CCNH: variants seen among roughly 807,000 people sequenced by gnomAD.
CCNH encodes cyclin H.
Under a neutral mutation model 41.9 loss-of-function variants are expected in CCNH, and 31 were observed. That is an observed-to-expected ratio of 0.74 (90% CI 0.56 to 1.00). CCNH has a LOEUF of 1.00. CCNH is among the 50% of genes least tolerant of loss of function. CCNH has a pLI of 0.00. For synonymous variants in CCNH, 138 were observed against 136.1 expected (o/e 1.01, Z -0.10); for missense variants, 362 against 388.4 (o/e 0.93, Z 0.57).
chr5:87,343,452 G>A (rs987851890), intron 9 of CCNH, among the ~76,000 whole-genome samples: 8 of 151,984 alleles, frequency 5.3e-5, no homozygotes, highest in Non-Finnish European at 1.0e-4. Flanking sequence ...CTGCCAGCAG[G>A]TATATGAAAA....
chr5:87,352,710 T>C (rs1759363826), intron 9 of CCNH, among the ~76,000 whole-genome samples: 1 of 151,822 alleles, frequency 6.6e-6, no homozygotes, highest in Non-Finnish European at 1.5e-5. Context: ...CTGTTTCTGA[T>C]ATAAAACCAG....
chr5:87,374,973 A>G (rs1162073924), downstream of CCNH: 21 of 1,550,864 alleles, frequency 1.4e-5, no homozygotes, highest in Non-Finnish European at 1.6e-5. Flanking sequence ...ATACTTTCAA[A>G]ATTCACAATG....
chr5:87,322,974 A>G (rs188742520), intron 9 of CCNH, among the ~76,000 whole-genome samples: 139 of 152,292 alleles, frequency 9.1e-4, no homozygotes, highest in African/African-American at 3.0e-3. Flanking sequence ...ATGTTGATAT[A>G]TTCACCTTAA....
upstream of CCNH, among the ~76,000 whole-genome samples, chr5:87,379,136 C>G (rs540563520): frequency 2.0e-4 from 31 of 152,228 alleles, no homozygotes; most frequent in Admixed American, 5.9e-4. Flanking sequence ...ACAATGGACA[C>G]TGGGACCTAG....
At chr5:87,363,281 A>G (rs575861840) in intron 9 of CCNH, 6 of 1,353,154 alleles carry the variant, frequency 4.4e-6, no homozygotes, top group African/African-American at 2.9e-5. Flanking sequence ...TAGAAACACT[A>G]ATTTTAATAA....
downstream of CCNH, among the ~76,000 whole-genome samples, chr5:87,375,750 A>G (rs146332454): frequency 7.0e-3 from 1,067 of 152,296 alleles, 5 homozygotes; most frequent in African/African-American, 0.016. Flanking sequence ...ATCAGGGTGA[A>G]TTAGGTTAAT....
intron 2 of CCNH, among the ~76,000 whole-genome samples, chr5:87,410,569 C>G: frequency 6.6e-6 from 1 of 152,144 alleles, no homozygotes; most frequent in East Asian, 1.9e-4. Context: ...TTAAGATATA[C>G]TTTTATATTT....
downstream of CCNH, chr5:87,391,494 A>G (rs1762512034): frequency 4.2e-6 from 1 of 238,706 alleles, no homozygotes; most frequent in East Asian, 6.0e-5. Context: ...AGAATGATCT[A>G]TTGCTCATCA....
chr5:87,370,765 T>TA (rs1299392924), intron 9 of CCNH, among the ~76,000 whole-genome samples: 2 of 152,132 alleles, frequency 1.3e-5, no homozygotes, highest in African/African-American at 4.8e-5. Flanking sequence ...CGAAGGAACT[T>TA]AAAGGTGGTT....
chr5:87,381,300 A>G (rs753529218), upstream of CCNH, among the ~76,000 whole-genome samples: 10 of 152,212 alleles, frequency 6.6e-5, no homozygotes, highest in Admixed American at 2.0e-4. Context: ...TAACTTTCTA[A>G]GACCCAATCT....
chr5:87,385,649 TAATC>T (rs1762013054), intron 9 of CCNH, among the ~76,000 whole-genome samples: 1 of 152,096 alleles, frequency 6.6e-6, no homozygotes. Flanking sequence ...CTTTTAAACA[TAATC>T]AATGAGTACA....
intron 9 of CCNH, among the ~76,000 whole-genome samples, chr5:87,323,425 A>G (rs1464789846): frequency 1.3e-5 from 2 of 152,164 alleles, no homozygotes; most frequent in Non-Finnish European, 2.9e-5. Flanking sequence ...GAGAGTGGAT[A>G]ATGCCTGTTC....
chr5:87,325,026 G>A (rs919899655), intron 9 of CCNH, among the ~76,000 whole-genome samples: 2 of 151,988 alleles, frequency 1.3e-5, no homozygotes, highest in African/African-American at 4.8e-5. Flanking sequence ...AACCCGAGAT[G>A]GGGTCACTTA....
rs562787600 is a variant in CCNH, at chr5:87,337,638, G to T, written c.*91-18741C>A. Among the ~76,000 whole-genome samples the T allele has an allele frequency of 2.9e-4, 44 of 152,108 alleles. No homozygotes were observed. In the Middle Eastern group the frequency reaches 0.017, roughly 59 times the overall value. On this transcript the variant is annotated intron_variant and NMD_transcript_variant, in intron 9 of 9. Transcript: ENST00000645953. ...ATAAGTTTTTCAATTCAGTTTTCTT[G>T]TAGTTACACCCCAAAACCTTCAATA...
At position 87,408,188 on chromosome 5, in the gene CCNH, T is replaced by A; in HGVS notation, c.315-2A>T. 2 of 1,551,710 alleles carry A rather than the reference T, an allele frequency of 1.3e-6. No individual in the cohort carries two copies. The highest frequency in any genetic ancestry group is 2.3e-5 in the East Asian group (1 of 43,760). ...CAGGCCAAAAATGCACAAGTGAGCC[T>A]AGAGGAAAAAATAAGGAGGCAGGAG... is the stretch of plus-strand genomic sequence containing the variant. On this transcript the variant is annotated splice_acceptor_variant, in intron 3 of 8. Transcript: ENST00000256897. LOFTEE classifies it high-confidence loss of function.
At chr5:87,409,811 T>C (rs1401150390) in intron 2 of CCNH, among the ~76,000 whole-genome samples, 1 of 152,180 alleles carries the variant, frequency 6.6e-6, no homozygotes, top group Admixed American at 6.5e-5. Flanking sequence ...CACTCCATAT[T>C]TGTGATATAA....
downstream of CCNH, chr5:87,390,990 A>G: frequency 9.0e-7 from 1 of 1,107,302 alleles, no homozygotes; most frequent in Non-Finnish European, 1.4e-6. Flanking sequence ...ACTTTTCCAC[A>G]TTCCAGTGAT....
At chr5:87,386,297 A>G (rs1762057943) in intron 9 of CCNH, among the ~76,000 whole-genome samples, 1 of 152,074 alleles carries the variant, frequency 6.6e-6, no homozygotes, top group Non-Finnish European at 1.5e-5. Context: ...GGTTTTAAGT[A>G]GTCAGGATTT....
chr5:87,383,487 A>T (rs915174114), intron 9 of CCNH, among the ~76,000 whole-genome samples: 15 of 152,122 alleles, frequency 9.9e-5, no homozygotes, highest in African/African-American at 3.6e-4. Flanking sequence ...AAATTGGGAA[A>T]AGTGAGTAAT....
Sources: gnomAD v4.1 joint callset for allele counts (sites outside exome capture counted in the v4.1 genomes callset) on GRCh38, gnomAD v4.1.1 for gene constraint, MANE v1.5 for transcripts, NCBI Gene and HGNC (gene_info 2026-07-23, HGNC 2026-07-21) for gene names.